BLTP1: variants seen among roughly 807,000 people sequenced by gnomAD.
BLTP1 encodes the protein bridge-like lipid transfer protein family member 1, also known as fragile site-associated protein.
chr4:122,288,785 A>G, the BLTP1 span: 1 of 482,830 alleles, frequency 2.1e-6, no homozygotes, highest in Non-Finnish European at 2.7e-6. Context: ...CTAGGAGAAA[A>G]TTTAATTTCA....
At chr4:122,173,189 A>T in the BLTP1 span, 1 of 1,595,156 alleles carries the variant, frequency 6.3e-7, no homozygotes, top group East Asian at 2.3e-5. Flanking sequence ...TTTCTTCCTT[A>T]TAATCTTGAG....
At chr4:122,224,954 A>C in the BLTP1 span, 1 of 1,221,106 alleles carries the variant, frequency 8.2e-7, no homozygotes, top group East Asian at 4.5e-5. Flanking sequence ...ATTCAGGATG[A>C]GTACTTTTCT....
chr4:122,276,410 C>A, the BLTP1 span: 1 of 962,726 alleles, frequency 1.0e-6, no homozygotes, highest in Non-Finnish European at 1.2e-6. Context: ...AAAACACTAA[C>A]AAAACATCTG....
At chr4:122,267,630 G>A in the BLTP1 span, 13 of 980,316 alleles carry the variant, frequency 1.3e-5, no homozygotes, top group Non-Finnish European at 1.6e-5. Context: ...ATTAGAAATA[G>A]GGCAGAAGTC....
the BLTP1 span, chr4:122,162,719 G>T: frequency 2.6e-5 from 24 of 908,912 alleles, no homozygotes; most frequent in Non-Finnish European, 3.1e-5. Flanking sequence ...AGGTAATGGG[G>T]TTATAACAAC....
At chr4:122,223,746 T>C in the BLTP1 span, among the ~76,000 whole-genome samples, 2 of 152,114 alleles carry the variant, frequency 1.3e-5, no homozygotes. Context: ...GAGGTGATAC[T>C]ATTTGGACCA....
chr4:122,304,509 C>G, the BLTP1 span: 1 of 158,200 alleles, frequency 6.3e-6, no homozygotes, highest in African/African-American at 2.4e-5. Flanking sequence ...CCACGCCCAG[C>G]CAAAGTATTT....
chr4:122,287,678 A>G, the BLTP1 span: 13 of 985,152 alleles, frequency 1.3e-5, no homozygotes, highest in Admixed American at 6.2e-5. Context: ...TAGAAATATT[A>G]TAACTGCGGG....
the BLTP1 span, chr4:122,324,501 T>G: frequency 1.2e-6 from 2 of 1,610,998 alleles, no homozygotes; most frequent in East Asian, 4.5e-5. Context: ...TTTCTGCTTC[T>G]GGAAGACCAC....
chr4:122,289,890 G>A, the BLTP1 span: 2 of 636,904 alleles, frequency 3.1e-6, no homozygotes, highest in Admixed American at 1.3e-4. Flanking sequence ...ACAAGAACAG[G>A]GTGCTATGAG....
chr4:122,334,202 C>T, the BLTP1 span: 1 of 797,654 alleles, frequency 1.3e-6, no homozygotes, highest in Non-Finnish European at 1.9e-6. Context: ...AGCAAAGAAA[C>T]TTGCCAGGAT....
At chr4:122,187,838 A>G in the BLTP1 span, 1 of 1,503,954 alleles carries the variant, frequency 6.6e-7, no homozygotes, top group Non-Finnish European at 8.8e-7. Context: ...AAAGAAAGAA[A>G]TATGGCCAGA....
At chr4:122,215,417 G>A in the BLTP1 span, 50 of 985,342 alleles carry the variant, frequency 5.1e-5, no homozygotes, top group South Asian at 2.2e-3. Flanking sequence ...ATGAGTGCTG[G>A]TAACTGTTTT....
chr4:122,325,813 TGA>T, the BLTP1 span: 1 of 999,120 alleles, frequency 1.0e-6, no homozygotes, highest in South Asian at 1.8e-5. Context: ...TTATTTTTCA[TGA>T]GTTTTTTTTT....
chr4:122,181,865 A>G, the BLTP1 span, among the ~76,000 whole-genome samples: 2 of 152,238 alleles, frequency 1.3e-5, no homozygotes, highest in Non-Finnish European at 2.9e-5. Flanking sequence ...CTCTTCACCA[A>G]TGTTGTGCTC....
At chr4:122,167,254 C>CA in the BLTP1 span, among the ~76,000 whole-genome samples, 1 of 152,134 alleles carries the variant, frequency 6.6e-6, no homozygotes, top group Non-Finnish European at 1.5e-5. Context: ...TTTTAGGTTT[C>CA]ATTCTAATTT....
At chr4:122,187,954 T>C in the BLTP1 span, 1 of 1,596,180 alleles carries the variant, frequency 6.3e-7, no homozygotes, top group South Asian at 1.2e-5. Flanking sequence ...ACTTTGATGA[T>C]GCTTTCTTAA....
chr4:122,227,478 G>A, the BLTP1 span: 3 of 985,230 alleles, frequency 3.0e-6, no homozygotes, highest in Non-Finnish European at 3.6e-6. Flanking sequence ...TTGGAAGCAT[G>A]GTTATTTCAG....
At chr4:122,262,998 T>A in the BLTP1 span, 1 of 1,610,084 alleles carries the variant, frequency 6.2e-7, no homozygotes, top group Non-Finnish European at 8.5e-7. Context: ...GTCCTCTAGA[T>A]TTGATAATTA....
Sources: gnomAD v4.1 joint callset for allele counts (sites outside exome capture counted in the v4.1 genomes callset) on GRCh38, gnomAD v4.1.1 for gene constraint, MANE v1.5 for transcripts, NCBI Gene and HGNC (gene_info 2026-07-23, HGNC 2026-07-21) for gene names.